The following SCFD2 variants were observed in gnomAD, a reference collection of about 807,000 sequenced individuals.
SCFD2 encodes the protein sec1 family domain containing 2, also known as sec1 family domain-containing protein 2.
In SCFD2, 54 loss-of-function variants were observed where a neutral mutation model predicts 58.9. The observed-to-expected ratio is 0.92, with a 90% CI of 0.74 to 1.15. The LOEUF is 1.15. Ranked by LOEUF, SCFD2 falls within the 50% of genes most tolerant of loss-of-function variation. The pLI is 0.00. For missense variants in SCFD2, 805 were observed against 836.6 expected, an observed-to-expected ratio of 0.96 and a Z score of 0.47; for synonymous variants, 321 against 335.9, an observed-to-expected ratio of 0.96 and a Z score of 0.49.
intron 4 of SCFD2, among the ~76,000 whole-genome samples, chr4:53,224,619 A>C (rs1392976902): frequency 5.3e-5 from 8 of 152,082 alleles, no homozygotes. Flanking sequence ...GCCCCCAAAT[A>C]ACCTTAGTAG....
At chr4:53,161,733 C>A (rs1245555509) in intron 4 of SCFD2, among the ~76,000 whole-genome samples, 1 of 152,168 alleles carries the variant, frequency 6.6e-6, no homozygotes, top group Admixed American at 6.5e-5. Flanking sequence ...CAGAACACCA[C>A]AGGGAATTGA....
chr4:52,966,563 A>G (rs536427675), intron 5 of SCFD2, among the ~76,000 whole-genome samples: 4 of 152,320 alleles, frequency 2.6e-5, no homozygotes, highest in African/African-American at 9.6e-5. Flanking sequence ...TCAACCAAGC[A>G]GCTCTTTATC....
intron 5 of SCFD2, among the ~76,000 whole-genome samples, chr4:52,963,666 ATTAT>A (rs900990973): frequency 6.6e-6 from 1 of 152,162 alleles, no homozygotes; most frequent in African/African-American, 2.4e-5. Flanking sequence ...TCTAGCCATG[ATTAT>A]TTATTTTTCC....
At chr4:53,322,350 C>A (rs1347924485) in intron 2 of SCFD2, among the ~76,000 whole-genome samples, 1 of 152,156 alleles carries the variant, frequency 6.6e-6, no homozygotes, top group African/African-American at 2.4e-5. Context: ...GACACTCCCA[C>A]CAGCACCATG....
chr4:53,031,288 C>T (rs1722609977), intron 5 of SCFD2, among the ~76,000 whole-genome samples: 1 of 152,150 alleles, frequency 6.6e-6, no homozygotes, highest in African/African-American at 2.4e-5. Context: ...TAGCTAAATC[C>T]ACAAAGATGG....
intron 2 of SCFD2, among the ~76,000 whole-genome samples, chr4:53,348,686 C>T (rs886394302): frequency 6.6e-6 from 1 of 151,806 alleles, no homozygotes; most frequent in African/African-American, 2.4e-5. Flanking sequence ...ATTTATATCC[C>T]TCTAGACTCA....
chr4:52,970,142 T>C (rs146699776), intron 5 of SCFD2, among the ~76,000 whole-genome samples: 9 of 152,278 alleles, frequency 5.9e-5, no homozygotes, highest in African/African-American at 1.9e-4. Flanking sequence ...ACCGGGCTCA[T>C]CTCACTGGGG....
chr4:53,045,638 C>T (rs1337810081), intron 5 of SCFD2, among the ~76,000 whole-genome samples: 2 of 151,944 alleles, frequency 1.3e-5, no homozygotes, highest in African/African-American at 4.8e-5. Flanking sequence ...CTGAGTATAT[C>T]TTATATTCTG....
At chr4:53,214,790 A>C (rs1728756408) in intron 4 of SCFD2, among the ~76,000 whole-genome samples, 1 of 152,126 alleles carries the variant, frequency 6.6e-6, no homozygotes, top group Admixed American at 6.5e-5. Flanking sequence ...TTTTAGGTCT[A>C]ACATGTAAGT....
intron 5 of SCFD2, among the ~76,000 whole-genome samples, chr4:53,117,746 A>C (rs1183672572): frequency 6.6e-6 from 1 of 152,206 alleles, no homozygotes; most frequent in African/African-American, 2.4e-5. Context: ...CTTGGTTTAT[A>C]TTTTAGAAAA....
At chr4:53,202,658 G>A (rs959724007) in intron 4 of SCFD2, among the ~76,000 whole-genome samples, 9 of 152,174 alleles carry the variant, frequency 5.9e-5, no homozygotes, top group Non-Finnish European at 1.2e-4. Flanking sequence ...CTACCCATGA[G>A]CATGGAATGT....
chr4:53,224,710 C>T (rs1729150529), intron 4 of SCFD2, among the ~76,000 whole-genome samples: 2 of 152,202 alleles, frequency 1.3e-5, no homozygotes, highest in Admixed American at 6.5e-5. Flanking sequence ...TAATAAAATG[C>T]TGGCTTTAAG....
chr4:53,250,285 AC>A (rs1560411291), intron 4 of SCFD2, among the ~76,000 whole-genome samples: 1 of 152,246 alleles, frequency 6.6e-6, no homozygotes, highest in Non-Finnish European at 1.5e-5. Flanking sequence ...ATATAGGAGC[AC>A]CCAGATTCAT....
At chr4:53,325,224 TAAA>T (rs34208247) in intron 2 of SCFD2, among the ~76,000 whole-genome samples, 12 of 133,280 alleles carry the variant, frequency 9.0e-5, no homozygotes, top group Admixed American at 1.5e-4. Flanking sequence ...TTTGTGACAG[TAAA>T]AAAAAAAAAA....
At chr4:53,010,649 C>T (rs777232610) in intron 5 of SCFD2, among the ~76,000 whole-genome samples, 1 of 152,168 alleles carries the variant, frequency 6.6e-6, no homozygotes, top group African/African-American at 2.4e-5. Flanking sequence ...ACGAATAAAT[C>T]ATTGAATAAA....
chr4:53,250,812 C>T (rs1180387462), intron 4 of SCFD2, among the ~76,000 whole-genome samples: 5 of 152,094 alleles, frequency 3.3e-5, no homozygotes, highest in Admixed American at 2.6e-4. Flanking sequence ...AAAATTGACA[C>T]CCTAACATCA....
chr4:52,890,531 G>T (rs1307458655), intron 7 of SCFD2, among the ~76,000 whole-genome samples: 1 of 152,172 alleles, frequency 6.6e-6, no homozygotes, highest in Non-Finnish European at 1.5e-5. Flanking sequence ...CTTATAATCA[G>T]CCATACATGA....
At chr4:53,263,153 T>C (rs546101463) in intron 4 of SCFD2, among the ~76,000 whole-genome samples, 1 of 152,214 alleles carries the variant, frequency 6.6e-6, no homozygotes, top group East Asian at 1.9e-4. Context: ...TTTCCTTTCA[T>C]ATCCTATATC....
chr4:52,965,901 C>G (rs1720952122), intron 5 of SCFD2, among the ~76,000 whole-genome samples: 1 of 152,160 alleles, frequency 6.6e-6, no homozygotes, highest in African/African-American at 2.4e-5. Flanking sequence ...ATACTCTATG[C>G]TAATAATGCT....
Sources: allele counts gnomAD v4.1 joint callset (sites outside exome capture counted in the v4.1 genomes callset), GRCh38; gene constraint gnomAD v4.1.1; transcripts MANE v1.5; gene names NCBI Gene and HGNC (gene_info 2026-07-23, HGNC 2026-07-21).